Variants in VKORC1L1 observed in about 807,000 individuals in gnomAD.
VKORC1L1 encodes the protein vitamin K epoxide reductase complex subunit 1-like protein 1.
In VKORC1L1, 2 loss-of-function variants were observed where a neutral mutation model predicts 18.9. The observed-to-expected ratio is 0.11, with a 90% CI of 0.04 to 0.33. The LOEUF (loss-of-function observed/expected upper bound fraction) is 0.33. VKORC1L1 is among the 10% of genes least tolerant of loss of function. The pLI, the probability that VKORC1L1 is intolerant of heterozygous loss-of-function variation, is 1.00. For synonymous variants in VKORC1L1, 96 were observed against 100.0 expected (o/e 0.96, Z 0.24); for missense variants, 123 against 224.1 (o/e 0.55, Z 2.88).
chr7:65,880,375 G>A (rs901028538), intron 1 of VKORC1L1, among the ~76,000 whole-genome samples: 2 of 152,188 alleles, frequency 1.3e-5, no homozygotes, highest in African/African-American at 4.8e-5. Context: ...TTCCTGGAGT[G>A]TTTGCCTTCT....
At chr7:65,891,873 C>A (rs1284745740) in intron 1 of VKORC1L1, among the ~76,000 whole-genome samples, 1 of 152,002 alleles carries the variant, frequency 6.6e-6, no homozygotes, top group African/African-American at 2.4e-5. Context: ...CTGTAGTTGC[C>A]CTATTGTGGT....
intron 1 of VKORC1L1, among the ~76,000 whole-genome samples, chr7:65,877,474 A>G (rs1392023890): frequency 6.6e-6 from 1 of 152,022 alleles, no homozygotes; most frequent in East Asian, 1.9e-4. Flanking sequence ...CAGCCTCCCA[A>G]GGAGCTGGGA....
intron 1 of VKORC1L1, among the ~76,000 whole-genome samples, chr7:65,897,136 G>C (rs1226116989): frequency 6.6e-6 from 1 of 152,204 alleles, no homozygotes. Flanking sequence ...CCTTTAAAAA[G>C]CAGGATCGCT....
Position 65,895,748 on chromosome 7 carries a change from C to T in VKORC1L1, c.194+22183C>T, listed in dbSNP as rs868473961. Among the ~76,000 whole-genome samples the T allele has an allele frequency of 1.5e-4, 23 of 151,468 alleles. 1 individual carries two copies. Among genetic ancestry groups the T allele is most frequent in the African/African-American group, 4.8e-4 (20 of 41,352 alleles). Reference sequence around the variant, plus strand: ...CATCAGATCACTGGCACAGAGCTGACAGCACTGAAGTAGCCTCATCTATAG... The same window carrying T: ...CATCAGATCACTGGCACAGAGCTGATAGCACTGAAGTAGCCTCATCTATAG... On this transcript the variant is annotated intron_variant, in intron 1 of 2. Coordinates refer to ENST00000360768, the MANE Select transcript of VKORC1L1 (RefSeq NM_173517.6).
intron 1 of VKORC1L1, among the ~76,000 whole-genome samples, chr7:65,875,589 T>G (rs538466047): frequency 1.3e-5 from 2 of 152,112 alleles, no homozygotes; most frequent in Non-Finnish European, 2.9e-5. Flanking sequence ...TGCTAATTTT[T>G]TGTATTTTTG....
chr7:65,906,269 G>A (rs1257260698), intron 1 of VKORC1L1, among the ~76,000 whole-genome samples: 1 of 151,998 alleles, frequency 6.6e-6, no homozygotes, highest in Non-Finnish European at 1.5e-5. Context: ...AACTACTCGG[G>A]AGGCTGAGGT....
At chr7:65,906,978 G>A (rs149478387) in intron 1 of VKORC1L1, among the ~76,000 whole-genome samples, 1 of 152,134 alleles carries the variant, frequency 6.6e-6, no homozygotes, top group African/African-American at 2.4e-5. Context: ...CCCTATACAA[G>A]GGTGGAAAGT....
At chr7:65,873,858 G>GTT (rs1788777126) in intron 1 of VKORC1L1, among the ~76,000 whole-genome samples, 1 of 152,048 alleles carries the variant, frequency 6.6e-6, no homozygotes, top group East Asian at 1.9e-4. Flanking sequence ...CGGTCGGGCG[G>GTT]GCTGGGGCCC....
rs536136653 is a variant in VKORC1L1 at position 65,883,686 on chromosome 7, G to A, written c.194+10121G>A. On this transcript the variant is annotated intron_variant, in intron 1 of 2. Transcript: ENST00000360768. ...GGCTAATTTTTGTATTTTTAATAGA[G>A]ATGGGGTTTCACCATGTTGGCCAGG... 5.3e-5 allele frequency among the ~76,000 whole-genome samples: 8 copies of A among 151,904 alleles called. No homozygotes were observed. In the South Asian group the frequency reaches 1.5e-3, roughly 28 times the overall value.
chr7:65,938,246 A>G (rs532692707), intron 1 of VKORC1L1, among the ~76,000 whole-genome samples: 2 of 152,378 alleles, frequency 1.3e-5, no homozygotes, highest in East Asian at 1.9e-4. Context: ...ACAAGATGCT[A>G]TTTATGTAAA....
At chr7:65,949,089 G>A (rs1278403973) in intron 2 of VKORC1L1, among the ~76,000 whole-genome samples, 1 of 152,082 alleles carries the variant, frequency 6.6e-6, no homozygotes. Flanking sequence ...CAGTGGCCTT[G>A]AAAAATATCA....
chr7:65,880,245 C>T (rs1420418055), intron 1 of VKORC1L1, among the ~76,000 whole-genome samples: 1 of 152,130 alleles, frequency 6.6e-6, no homozygotes, highest in Non-Finnish European at 1.5e-5. Context: ...ACAATGGTGC[C>T]AGTTTCTGTA....
At chr7:65,885,743 G>T (rs1405582639) in intron 1 of VKORC1L1, among the ~76,000 whole-genome samples, 1 of 152,022 alleles carries the variant, frequency 6.6e-6, no homozygotes, top group Non-Finnish European at 1.5e-5. Context: ...TGACAGGTCG[G>T]TCTGTGTTTA....
intron 1 of VKORC1L1, among the ~76,000 whole-genome samples, chr7:65,924,376 G>A (rs1264995091): frequency 2.0e-5 from 3 of 152,130 alleles, no homozygotes; most frequent in Non-Finnish European, 2.9e-5. Flanking sequence ...TTTCATCCTA[G>A]AATGGCACAC....
At chr7:65,947,415 T>G (rs1451161526) in intron 1 of VKORC1L1, among the ~76,000 whole-genome samples, 1 of 104,696 alleles carries the variant, frequency 9.6e-6, no homozygotes, top group Non-Finnish European at 2.1e-5. Flanking sequence ...CCATAACTGG[T>G]TTTTTTTTTT....
intron 1 of VKORC1L1, among the ~76,000 whole-genome samples, chr7:65,895,538 C>CACAT (rs1789195467): frequency 7.9e-6 from 1 of 126,870 alleles, no homozygotes; most frequent in South Asian, 2.6e-4. Flanking sequence ...CACACACACA[C>CACAT]ATATAATTTG....
intron 1 of VKORC1L1, among the ~76,000 whole-genome samples, chr7:65,917,992 C>G (rs985848847): frequency 6.6e-6 from 1 of 152,114 alleles, no homozygotes; most frequent in African/African-American, 2.4e-5. Context: ...TGACATCTAG[C>G]AGGTAGAGTC....
intron 1 of VKORC1L1, among the ~76,000 whole-genome samples, chr7:65,910,528 G>A (rs12671816): frequency 0.32 from 48,735 of 152,026 alleles, 8,855 homozygotes; most frequent in East Asian, 0.46. Context: ...AATTCTCATC[G>A]TTTTACCCAG....
At chr7:65,903,900 A>C (rs1014974806) in intron 1 of VKORC1L1, among the ~76,000 whole-genome samples, 8 of 152,204 alleles carry the variant, frequency 5.3e-5, no homozygotes, top group Non-Finnish European at 1.0e-4. Flanking sequence ...AAAGGATTGA[A>C]AAGTGCTAGA....
Sources: gnomAD v4.1 joint callset for allele counts (sites outside exome capture counted in the v4.1 genomes callset) on GRCh38, gnomAD v4.1.1 for gene constraint, MANE v1.5 for transcripts, NCBI Gene and HGNC (gene_info 2026-07-23, HGNC 2026-07-21) for gene names.